Variants in ZNRF1 observed in about 807,000 individuals in gnomAD.
The protein encoded by ZNRF1 is E3 ubiquitin-protein ligase ZNRF1.
Under a neutral mutation model 18.4 loss-of-function variants are expected in ZNRF1, and 3 were observed. The ratio of observed to expected loss-of-function variants is 0.16; its 90% CI spans 0.07 to 0.42. ZNRF1 has a LOEUF of 0.42. Ranked by LOEUF, ZNRF1 falls within the 10% of genes least tolerant of loss-of-function variation. The pLI, the probability that ZNRF1 is intolerant of heterozygous loss-of-function variation, is 0.99. For synonymous variants in ZNRF1, 157 were observed against 144.2 expected (o/e 1.09, Z -0.64); for missense variants, 310 against 329.8 (o/e 0.94, Z 0.47).
chr16:75,106,723 C>T, intron 4 of ZNRF1, 152 bp downstream of exon 4: 1 of 607,646 alleles, frequency 1.6e-6, no homozygotes, highest in Non-Finnish European at 2.9e-6. Flanking sequence ...AGTTAGTCAT[C>T]CGGAAATGAT....
intron 1 of ZNRF1, among the ~76,000 whole-genome samples, chr16:75,031,754 G>C (rs1015770244): frequency 6.6e-6 from 1 of 151,870 alleles, no homozygotes; most frequent in South Asian, 2.1e-4. Flanking sequence ...TGCCCATCTC[G>C]GCTTCTCAAA....
At chr16:75,018,084 A>G (rs907726097) in intron 1 of ZNRF1, among the ~76,000 whole-genome samples, 3 of 152,224 alleles carry the variant, frequency 2.0e-5, no homozygotes, top group African/African-American at 7.2e-5. Flanking sequence ...TATGAATCAA[A>G]TGAGTTTGTA....
At chr16:75,092,731 G>A (rs2036154173) in intron 1 of ZNRF1, among the ~76,000 whole-genome samples, 1 of 152,194 alleles carries the variant, frequency 6.6e-6, no homozygotes, top group South Asian at 2.1e-4. Flanking sequence ...ACATCTCAAA[G>A]GACAGTGGCC....
intron 1 of ZNRF1, among the ~76,000 whole-genome samples, chr16:75,025,421 G>A (rs1489731911): frequency 6.6e-6 from 1 of 152,108 alleles, no homozygotes; most frequent in East Asian, 1.9e-4. Flanking sequence ...GTACCTGGAA[G>A]TGAAATCTAT....
intron 2 of ZNRF1, among the ~76,000 whole-genome samples, chr16:75,095,328 C>CT (rs1168502189): frequency 1.3e-5 from 2 of 152,236 alleles, no homozygotes; most frequent in East Asian, 3.9e-4. Flanking sequence ...TGCCAGTTCT[C>CT]TAAGTCTGTT....
chr16:75,055,380 C>T (rs532730771), intron 1 of ZNRF1, among the ~76,000 whole-genome samples: 2 of 152,298 alleles, frequency 1.3e-5, no homozygotes, highest in Admixed American at 6.5e-5. Flanking sequence ...TTCCAGTCCC[C>T]AATGTATGAT....
intron 1 of ZNRF1, among the ~76,000 whole-genome samples, chr16:75,010,999 A>G (rs947211529): frequency 2.0e-5 from 3 of 152,208 alleles, no homozygotes; most frequent in African/African-American, 7.2e-5. Context: ...GTGAGCCACC[A>G]TGCCCAGCTG....
At chr16:75,010,140 G>A (rs1415117050) in intron 1 of ZNRF1, among the ~76,000 whole-genome samples, 1 of 152,006 alleles carries the variant, frequency 6.6e-6, no homozygotes, top group African/African-American at 2.4e-5. Flanking sequence ...CTACCATCAT[G>A]CCCTGCTAAT....
At chr16:75,095,682 C>T in intron 2 of ZNRF1, 1 of 1,549,822 alleles carries the variant, frequency 6.5e-7, no homozygotes, top group Non-Finnish European at 8.7e-7. Flanking sequence ...CCGTGGAGGA[C>T]AGAGTGCTCT....
intron 1 of ZNRF1, among the ~76,000 whole-genome samples, chr16:75,084,805 C>T (rs538745859): frequency 1.5e-4 from 23 of 152,310 alleles, no homozygotes; most frequent in Admixed American, 7.2e-4. Context: ...TCCAAATTAG[C>T]ACACCCACCC....
chr16:75,028,310 T>G (rs979044975), intron 1 of ZNRF1, among the ~76,000 whole-genome samples: 4 of 152,246 alleles, frequency 2.6e-5, no homozygotes, highest in Non-Finnish European at 4.4e-5. Context: ...GTTTTTTGTT[T>G]TTGAGACGGA....
At chr16:75,010,618 G>A (rs894448127) in intron 1 of ZNRF1, among the ~76,000 whole-genome samples, 1 of 151,770 alleles carries the variant, frequency 6.6e-6, no homozygotes, top group Non-Finnish European at 1.5e-5. Context: ...TTTCTTGTTG[G>A]TAGTAGCTTG....
Position 75,093,662 on chromosome 16 carries a change from A to T in ZNRF1, c.515A>T (p.Tyr172Phe). The change falls in exon 2 of 5, where the codon TAC becomes TTC. Residue 172 changes from tyrosine to phenylalanine, a missense_variant. Transcript: ENST00000335325. ...TGTTTGAGCAAACCTCGCCTCTCCT[A>T]CAACGGTAAGGGCTTGGCCTGCCTC... ...IMCLSKPRLS[Y>F]NDDVLTKDAG... 6.2e-7 allele frequency: 1 copy of T among 1,613,586 alleles called. No individual in the cohort carries two copies. Among genetic ancestry groups the T allele is most frequent in the South Asian group, 1.1e-5 (1 of 91,070 alleles).
chr16:75,010,711 G>T (rs199885273), intron 1 of ZNRF1, among the ~76,000 whole-genome samples: 3,482 of 73,708 alleles, frequency 0.047, 137 homozygotes, highest in African/African-American at 0.067. Flanking sequence ...GTTTTTTTTT[G>T]TTTTTTTGTT....
chr16:75,103,493 G>A (rs2036275752), intron 2 of ZNRF1, among the ~76,000 whole-genome samples: 1 of 152,088 alleles, frequency 6.6e-6, no homozygotes. Context: ...GTAGACTAGT[G>A]GTGGCCAGGG....
intron 1 of ZNRF1, among the ~76,000 whole-genome samples, chr16:75,010,722 T>G (rs1236560212): frequency 1.4e-5 from 2 of 141,810 alleles, no homozygotes; most frequent in African/African-American, 5.4e-5. Flanking sequence ...TTTTTTTGTT[T>G]TTTTTTTTTT....
At chr16:75,062,093 C>T (rs2035751224) in intron 1 of ZNRF1, among the ~76,000 whole-genome samples, 1 of 152,126 alleles carries the variant, frequency 6.6e-6, no homozygotes, top group Non-Finnish European at 1.5e-5. Flanking sequence ...AGATCTAAGC[C>T]AAGTGAGAAA....
intron 1 of ZNRF1, among the ~76,000 whole-genome samples, chr16:75,042,736 T>C (rs1474164350): frequency 6.6e-6 from 1 of 152,212 alleles, no homozygotes. Flanking sequence ...TGCATTTCCA[T>C]GTACGTTTTA....
At chr16:75,106,311 C>T (rs1462810335) in intron 3 of ZNRF1, 171 bp from the exon 4 acceptor site, 4 of 651,510 alleles carry the variant, frequency 6.1e-6, no homozygotes, top group East Asian at 2.8e-5. Flanking sequence ...GTTCACCCTT[C>T]TTCGTGCTTC....
Sources: allele counts gnomAD v4.1 joint callset (sites outside exome capture counted in the v4.1 genomes callset), GRCh38; gene constraint gnomAD v4.1.1; transcripts MANE v1.5; gene names NCBI Gene and HGNC (gene_info 2026-07-23, HGNC 2026-07-21).